Variants in AOPEP observed in about 807,000 individuals in gnomAD.
The protein encoded by AOPEP is aminopeptidase O.
Under a neutral mutation model 98.1 loss-of-function variants are expected in AOPEP, and 77 were observed. The observed-to-expected ratio is 0.78, with a 90% CI of 0.65 to 0.95. The LOEUF is 0.95. Among genes scored for constraint, AOPEP ranks in the 40% least tolerant of loss-of-function variants. The probability of loss-of-function intolerance (pLI) is 0.00; values close to 1 mark genes in which losing one functional copy is unlikely to be tolerated. For missense variants in AOPEP, 1,024 were observed against 1,024.7 expected, an observed-to-expected ratio of 1.00 and a Z score of 0.01; for synonymous variants, 346 against 365.3, an observed-to-expected ratio of 0.95 and a Z score of 0.60.
Position 94,979,389 on chromosome 9 carries a change from A to G in AOPEP, c.1939A>G (p.Ile647Val), listed in dbSNP as rs141039188. ...EKRLELSVEN[I>V]YQDWLESSGI... ...AAGGCTTGAGCTGTCTGTTGAAAAC[A>G]TCTACCAAGACTGGCTTGAGAGTTC... Residue 647 changes from isoleucine (I) to valine (V), a missense_variant, in exon 11 of 17, where the codon ATC becomes GTC. By Grantham distance (29) the Ile-to-Val change is conservative. Transcript: ENST00000375315. 6.6e-5 allele frequency: 106 copies of G among 1,603,338 alleles called. No homozygotes were observed. Among genetic ancestry groups the G allele is most frequent in the Non-Finnish European group, 8.4e-5 (99 of 1,172,926 alleles).
intron 7 of AOPEP, among the ~76,000 whole-genome samples, chr9:94,943,268 TCAA>T (rs2057217461): frequency 6.6e-6 from 1 of 152,174 alleles, no homozygotes; most frequent in Non-Finnish European, 1.5e-5. Context: ...CACTTACAAC[TCAA>T]CAATAAAGAC....
chr9:94,845,575 A>G (rs2042763330), intron 5 of AOPEP, among the ~76,000 whole-genome samples: 1 of 152,126 alleles, frequency 6.6e-6, no homozygotes, highest in Admixed American at 6.5e-5. Context: ...TAATAGAGAA[A>G]TCTACATGCG....
intron 7 of AOPEP, among the ~76,000 whole-genome samples, chr9:94,953,785 C>T (rs1366852436): frequency 2.6e-5 from 4 of 152,170 alleles, no homozygotes; most frequent in Non-Finnish European, 5.9e-5. Context: ...CAACACTCCT[C>T]AGTGTTGATC....
intron 10 of AOPEP, among the ~76,000 whole-genome samples, chr9:94,979,116 T>G (rs1444829915): frequency 6.6e-6 from 1 of 152,190 alleles, no homozygotes; most frequent in African/African-American, 2.4e-5. Flanking sequence ...TTCAAAGCAC[T>G]GAAAGCACCC....
At position 94,928,432 on chromosome 9, in the gene AOPEP, C is replaced by T. The variant is rs2054723915; in HGVS notation, c.1562C>T (p.Pro521Leu). ...VFWATAQQLA[P>L]YEAREQQELR... ...GTGTCTGTGGCTGAGCAGCTGGCCCCCTATGAGGCCCGGGAGCAGCAGGAG... is the reference window on the plus strand; with the variant it reads ...GTGTCTGTGGCTGAGCAGCTGGCCCTCTATGAGGCCCGGGAGCAGCAGGAG... Residue 521 changes from proline (P) to leucine (L), a missense_variant, in exon 7 of 17, where the codon CCC becomes CTC. Physicochemically the swap from Pro to Leu is moderately conservative, Grantham distance 98 (BLOSUM62 -3). Around this residue, in one of 3 missense-constraint regions of AOPEP, gnomAD observed 566 missense variants for 551.7 expected, o/e 1.03. Transcript: ENST00000375315. The T allele has an allele frequency of 1.9e-6, 3 of 1,547,620 alleles. No individual in the cohort carries two copies. The highest frequency in any genetic ancestry group is 2.6e-6 in the Non-Finnish European group (3 of 1,146,864).
intron 13 of AOPEP, among the ~76,000 whole-genome samples, chr9:95,057,073 C>T (rs1478105161): frequency 1.3e-5 from 2 of 152,184 alleles, no homozygotes; most frequent in African/African-American, 2.4e-5. Context: ...CACTGTTGAA[C>T]TGTGGGTGTG....
chr9:94,931,845 C>T (rs2055366416), intron 7 of AOPEP: 1 of 1,489,062 alleles, frequency 6.7e-7, no homozygotes, highest in Admixed American at 2.0e-5. Context: ...TTCTGTGTGT[C>T]TTACTCTCCT....
At chr9:94,750,197 C>T (rs1448089927) in intron 1 of AOPEP, among the ~76,000 whole-genome samples, 1 of 152,200 alleles carries the variant, frequency 6.6e-6, no homozygotes, top group East Asian at 1.9e-4. Flanking sequence ...GGGACTCTTG[C>T]TTTGTAGACA....
intron 13 of AOPEP, among the ~76,000 whole-genome samples, chr9:95,041,444 GGGGTGT>G (rs973788254): frequency 2.0e-4 from 29 of 144,406 alleles, no homozygotes; most frequent in South Asian, 6.6e-4. Context: ...AGAGTCCTTG[GGGGTGT>G]GTGTGTGTGT....
intron 1 of AOPEP, 64 bp from the exon 2 acceptor site, chr9:94,759,585 C>T (rs375428826): frequency 1.8e-6 from 1 of 547,762 alleles, no homozygotes; most frequent in Admixed American, 3.4e-5. Flanking sequence ...GCAGGAGCAG[C>T]AGTTGCAGGA....
intron 5 of AOPEP, among the ~76,000 whole-genome samples, chr9:94,908,772 T>G (rs771864215): frequency 6.6e-6 from 1 of 152,208 alleles, no homozygotes; most frequent in Non-Finnish European, 1.5e-5. Flanking sequence ...CCATTTGCAA[T>G]GCACAGATAA....
chr9:95,112,669 G>A, the AOPEP span, among the ~76,000 whole-genome samples: 1 of 152,348 alleles, frequency 6.6e-6, no homozygotes, highest in Admixed American at 6.5e-5. Flanking sequence ...ACAGAGCAGT[G>A]AGGCTCCCTC....
At chr9:95,130,782 A>G in the AOPEP span, among the ~76,000 whole-genome samples, 2 of 152,242 alleles carry the variant, frequency 1.3e-5, no homozygotes, top group African/African-American at 4.8e-5. Flanking sequence ...CTTCTTAAAA[A>G]GAAGATTCTC....
chr9:95,052,895 T>G (rs962772391), intron 13 of AOPEP, among the ~76,000 whole-genome samples: 2 of 152,222 alleles, frequency 1.3e-5, no homozygotes, highest in Non-Finnish European at 2.9e-5. Flanking sequence ...TTTGGAAAAT[T>G]TTAAATTCTT....
At chr9:94,822,591 A>G (rs1179415673) in intron 5 of AOPEP, among the ~76,000 whole-genome samples, 3 of 152,088 alleles carry the variant, frequency 2.0e-5, no homozygotes. Flanking sequence ...TTCCGTTTTT[A>G]TAACTTCTAT....
At chr9:94,966,483 CAGACCCATTTTAAAAG>C (rs1217335484) in intron 9 of AOPEP, among the ~76,000 whole-genome samples, 7 of 152,182 alleles carry the variant, frequency 4.6e-5, no homozygotes, top group Non-Finnish European at 8.8e-5. Flanking sequence ...CATGTTTGGG[CAGACCCATTTTAAAAG>C]ATTATTTTCT....
chr9:94,797,135 G>A (rs1376399921), intron 4 of AOPEP, among the ~76,000 whole-genome samples: 1 of 152,164 alleles, frequency 6.6e-6, no homozygotes, highest in Admixed American at 6.5e-5. Flanking sequence ...CTATTACTTT[G>A]TAAAAAGCAC....
intron 5 of AOPEP, among the ~76,000 whole-genome samples, chr9:94,854,365 C>T (rs991341233): frequency 3.9e-5 from 6 of 152,174 alleles, no homozygotes; most frequent in Admixed American, 1.3e-4. Context: ...AAAAACATGA[C>T]ACTGAACAGT....
chr9:95,086,211 C>A, intron 16 of AOPEP: 1 of 1,283,840 alleles, frequency 7.8e-7, no homozygotes, highest in Non-Finnish European at 1.0e-6. Context: ...GGCGGCAGCA[C>A]GGTGCCAGTC....
Sources: allele counts gnomAD v4.1 joint callset (sites outside exome capture counted in the v4.1 genomes callset), GRCh38; gene constraint gnomAD v4.1.1; regional missense constraint gnomAD v4.1.1; transcripts MANE v1.5; gene names NCBI Gene and HGNC (gene_info 2026-07-23, HGNC 2026-07-21).